The following UHRF2 variants were observed in gnomAD, a reference collection of about 807,000 sequenced individuals.
UHRF2 encodes E3 ubiquitin-protein ligase UHRF2.
Under a neutral mutation model 96.8 loss-of-function variants are expected in UHRF2, and 23 were observed. The observed-to-expected ratio is 0.24, with a 90% CI of 0.17 to 0.34. UHRF2 has a LOEUF of 0.34. UHRF2 is among the 10% of genes least tolerant of loss of function. The pLI is 1.00. For missense variants in UHRF2, 685 were observed against 981.5 expected (o/e 0.70, Z 4.04); for synonymous variants, 385 against 332.6 (o/e 1.16, Z -1.72).
At chr9:6,430,680 G>A (rs1414932321) in intron 2 of UHRF2, among the ~76,000 whole-genome samples, 1 of 151,998 alleles carries the variant, frequency 6.6e-6, no homozygotes, top group East Asian at 1.9e-4. Context: ...ACAACTAGAG[G>A]CCACCCCTAC....
chr9:6,467,881 CAAG>C (rs1822975198), intron 4 of UHRF2, among the ~76,000 whole-genome samples: 1 of 151,902 alleles, frequency 6.6e-6, no homozygotes, highest in South Asian at 2.1e-4. Flanking sequence ...AGTATTGAAA[CAAG>C]AATTTTTTCT....
chr9:6,499,821 T>TC lies in UHRF2; in HGVS notation c.1909-6dup, dbSNP rs57099869. ...TAAATCTGCATTGTACTCTCCCTCCTCCCCCCCCATCAGTATCCAGCAGGT... is the reference window on the plus strand; with the variant it reads ...TAAATCTGCATTGTACTCTCCCTCCTCCCCCCCCCATCAGTATCCAGCAGGT... On this transcript the variant is annotated splice_polypyrimidine_tract_variant and intron_variant, in intron 12 of 15. Transcript: ENST00000276893. 391 of 1,532,174 alleles carry TC rather than the reference T, an allele frequency of 2.6e-4. No homozygotes were observed. Among genetic ancestry groups the TC allele is most frequent in the African/African-American group, 1.7e-3 (119 of 71,086 alleles). 94.9% of individuals were successfully genotyped at this position (1,532,174 alleles called of 1,614,324 possible). A position where few individuals can be genotyped will look rare whatever the true frequency, so the allele number is the denominator to read the frequency against.
intron 15 of UHRF2, among the ~76,000 whole-genome samples, chr9:6,505,721 G>C (rs1184162824): frequency 1.3e-5 from 2 of 152,310 alleles, no homozygotes; most frequent in African/African-American, 4.8e-5. Context: ...GAAAGGACAG[G>C]GTTGAAATCT....
At chr9:6,431,785 T>A (rs1309952182) in intron 2 of UHRF2, among the ~76,000 whole-genome samples, 1 of 152,236 alleles carries the variant, frequency 6.6e-6, no homozygotes, top group Non-Finnish European at 1.5e-5. Context: ...ATCTTACATT[T>A]GATAGGCAAA....
At chr9:6,418,259 C>CTTTTTTTT (rs200084021) in intron 1 of UHRF2, among the ~76,000 whole-genome samples, 1 of 124,898 alleles carries the variant, frequency 8.0e-6, no homozygotes, top group Non-Finnish European at 1.7e-5. Context: ...GAGGATGTTC[C>CTTTTTTTT]TTTTTTTTTT....
chr9:6,487,184 T>TTATTTTTTATTTTTTA (rs1411249759), intron 9 of UHRF2, among the ~76,000 whole-genome samples: 165 of 87,438 alleles, frequency 1.9e-3, no homozygotes, highest in African/African-American at 6.3e-3. Context: ...TTTTTTTCCT[T>TTATTTTTTATTTTTTA]TTTTTTTTTT....
At chr9:6,481,573 G>A in intron 6 of UHRF2, 70 bp from the exon 7 acceptor site, 3 of 1,549,934 alleles carry the variant, frequency 1.9e-6, no homozygotes, top group East Asian at 2.3e-5. Flanking sequence ...TACCTAGGAA[G>A]GCTAATATTC....
rs753882536 is a variant in UHRF2, at chr9:6,494,069, T to C, written c.1604+137T>C. ...CTGAAATTAAAATTCCAGTGCCTGA[T>C]TATGTAATTGTTTTTCAGCATCCTA... On this transcript the variant is annotated intron_variant, in intron 10 of 15. Transcript: ENST00000276893. 5.1e-5 allele frequency: 35 copies of C among 684,296 alleles called. No homozygotes were observed. The Middle Eastern group carries it at 2.4e-3, about 47-fold the overall frequency. 42.4% of individuals were successfully genotyped at this position (684,296 alleles called of 1,614,324 possible).
At chr9:6,455,183 C>CA (rs1822105083) in intron 3 of UHRF2, among the ~76,000 whole-genome samples, 1 of 152,094 alleles carries the variant, frequency 6.6e-6, no homozygotes, top group Non-Finnish European at 1.5e-5. Context: ...TGCATGTGCA[C>CA]AACGAGCTCG....
At chr9:6,493,228 G>A (rs183137177) in intron 9 of UHRF2, among the ~76,000 whole-genome samples, 2 of 152,170 alleles carry the variant, frequency 1.3e-5, no homozygotes, top group East Asian at 3.9e-4. Flanking sequence ...AACCTGGGAG[G>A]CAGAGGCTAC....
chr9:6,493,717 G>T, intron 9 of UHRF2, 109 bp from the exon 10 acceptor site: 1 of 953,480 alleles, frequency 1.0e-6, no homozygotes, highest in Non-Finnish European at 1.5e-6. Flanking sequence ...TGCCTCAAGA[G>T]AAAATGTCAA....
intron 3 of UHRF2, among the ~76,000 whole-genome samples, chr9:6,448,995 T>C (rs1821690564): frequency 6.6e-6 from 1 of 152,236 alleles, no homozygotes; most frequent in Admixed American, 6.5e-5. Flanking sequence ...TTAACCATCA[T>C]CAACTCATAG....
chr9:6,496,279 C>G (rs1392958957), intron 10 of UHRF2: 1 of 152,040 alleles, frequency 6.6e-6, no homozygotes, highest in Non-Finnish European at 1.5e-5. Context: ...TAAGTGTTCT[C>G]AGTGTTTTCT....
intron 13 of UHRF2, 35 bp from the exon 14 acceptor site, chr9:6,500,517 G>C: frequency 6.3e-7 from 1 of 1,587,862 alleles, no homozygotes. Flanking sequence ...AGAACCACTT[G>C]TAAGTCTGCT....
At chr9:6,491,816 G>A (rs1824676021) in intron 9 of UHRF2, among the ~76,000 whole-genome samples, 1 of 152,228 alleles carries the variant, frequency 6.6e-6, no homozygotes, top group South Asian at 2.1e-4. Flanking sequence ...TTAGGCTACT[G>A]CCTGCCAGGC....
At chr9:6,442,401 C>A (rs1277124574) in intron 3 of UHRF2, among the ~76,000 whole-genome samples, 1 of 152,182 alleles carries the variant, frequency 6.6e-6, no homozygotes, top group Non-Finnish European at 1.5e-5. Context: ...ACAGAATAAT[C>A]AATCCATAAA....
At chr9:6,487,474 C>A (rs1824372742) in intron 9 of UHRF2, among the ~76,000 whole-genome samples, 1 of 152,204 alleles carries the variant, frequency 6.6e-6, no homozygotes, top group East Asian at 1.9e-4. Flanking sequence ...TCAAGCGATT[C>A]TCCTGCCTCC....
chr9:6,451,456 GTTTTTTTTTGTTT>G (rs1208913015), intron 3 of UHRF2, among the ~76,000 whole-genome samples: 13 of 18,736 alleles, frequency 6.9e-4, no homozygotes, highest in Non-Finnish European at 3.1e-3. Flanking sequence ...TTCTTACCTA[GTTTTTTTTTGTTT>G]TTTTTTTTTG....
chr9:6,434,255 T>C, intron 3 of UHRF2, 82 bp downstream of exon 3: 1 of 1,461,580 alleles, frequency 6.8e-7, no homozygotes, highest in East Asian at 2.3e-5. Context: ...TTATTTTAAA[T>C]AGTCTTTCTG....
Sources: gnomAD v4.1 joint callset for allele counts (sites outside exome capture counted in the v4.1 genomes callset) on GRCh38, gnomAD v4.1.1 for gene constraint, MANE v1.5 for transcripts, NCBI Gene and HGNC (gene_info 2026-07-23, HGNC 2026-07-21) for gene names.